Variants in NARS2 observed in about 807,000 individuals in gnomAD.
NARS2 encodes the protein asparaginyl-tRNA synthetase.
In NARS2, 60 loss-of-function variants were observed where a neutral mutation model predicts 62.9. The ratio of observed to expected loss-of-function variants is 0.95; its 90% CI spans 0.77 to 1.18. NARS2 has a LOEUF of 1.18. Ranked by LOEUF, NARS2 falls within the 50% of genes most tolerant of loss-of-function variation. NARS2 has a pLI of 0.00. For missense variants in NARS2, 619 were observed against 576.4 expected (o/e 1.07, Z -0.76); for synonymous variants, 196 against 200.0 (o/e 0.98, Z 0.17).
intron 7 of NARS2, among the ~76,000 whole-genome samples, chr11:78,482,194 C>T (rs752800788): frequency 1.3e-5 from 2 of 152,076 alleles, no homozygotes; most frequent in Non-Finnish European, 2.9e-5. Flanking sequence ...TGACTACAAC[C>T]TATCTCTCTA....
At chr11:78,474,846 G>T (rs1382734599) in intron 9 of NARS2, among the ~76,000 whole-genome samples, 1 of 151,684 alleles carries the variant, frequency 6.6e-6, no homozygotes, top group African/African-American at 2.4e-5. Flanking sequence ...ATGTGTTTTT[G>T]GTATTATACA....
chr11:78,501,454 T>C (rs1860280382), intron 6 of NARS2, among the ~76,000 whole-genome samples: 1 of 152,182 alleles, frequency 6.6e-6, no homozygotes, highest in Admixed American at 6.5e-5. Flanking sequence ...ATCCAGACCA[T>C]ATGCTGAGAA....
intron 6 of NARS2, among the ~76,000 whole-genome samples, chr11:78,502,820 C>T (rs1033026761): frequency 1.1e-4 from 17 of 151,880 alleles, no homozygotes; most frequent in Admixed American, 4.6e-4. Context: ...ATGGTGAAAC[C>T]CTGTCTCTAC....
intron 5 of NARS2, among the ~76,000 whole-genome samples, chr11:78,551,783 G>A (rs1196523570): frequency 1.3e-5 from 2 of 152,074 alleles, no homozygotes; most frequent in African/African-American, 2.4e-5. Flanking sequence ...CCTGGGAGGT[G>A]GAGGTTGCAG....
At chr11:78,563,634 C>G (rs1856625250) in intron 4 of NARS2, among the ~76,000 whole-genome samples, 1 of 149,972 alleles carries the variant, frequency 6.7e-6, no homozygotes, top group South Asian at 2.1e-4. Flanking sequence ...GGAGTTAGAC[C>G]AGCCTGGCCA....
intron 1 of NARS2, 146 bp from the exon 2 acceptor site, chr11:78,571,590 T>C (rs1856925366): frequency 1.7e-6 from 1 of 583,054 alleles, no homozygotes; most frequent in Non-Finnish European, 3.1e-6. Context: ...ATATGCATAC[T>C]TAATTTTATA....
rs71046981 is a variant in NARS2, at chr11:78,554,508, C to CGTGTGTGTGTGTGTGTGTGTGT, written c.594+5009_594+5030dup. Among the ~76,000 whole-genome samples, 1,128 of 147,002 alleles carry CGTGTGTGTGTGTGTGTGTGTGT rather than the reference C, an allele frequency of 7.7e-3. 10 individuals carry two copies. Among genetic ancestry groups the CGTGTGTGTGTGTGTGTGTGTGT allele is most frequent in the Middle Eastern group, 0.041 (12 of 290 alleles). ...TTAGCTGTATTCCTAGGCGTGTGTG[C>CGTGTGTGTGTGTGTGTGTGTGT]GTGTGTGTGTGTGTGTGTGTGTCAA... On this transcript the variant is annotated intron_variant, in intron 5 of 13. Transcript: ENST00000281038.
chr11:78,519,263 G>A (rs557931319), intron 6 of NARS2, among the ~76,000 whole-genome samples: 1 of 152,100 alleles, frequency 6.6e-6, no homozygotes, highest in African/African-American at 2.4e-5. Context: ...TAATCGAAGG[G>A]AGTCAATTTA....
intron 1 of NARS2, 118 bp from the exon 2 acceptor site, chr11:78,571,562 AC>A: frequency 1.5e-6 from 1 of 654,854 alleles, no homozygotes; most frequent in Non-Finnish European, 2.7e-6. Context: ...CAACAAATCA[AC>A]TTCTTTTAGT....
chr11:78,550,153 GA>G (rs1456891080), intron 5 of NARS2, among the ~76,000 whole-genome samples: 2 of 152,140 alleles, frequency 1.3e-5, no homozygotes, highest in African/African-American at 4.8e-5. Context: ...GGCATTCCTA[GA>G]AATCAGGAGA....
At chr11:78,504,929 C>T (rs1015568331) in intron 6 of NARS2, among the ~76,000 whole-genome samples, 3 of 152,008 alleles carry the variant, frequency 2.0e-5, no homozygotes, top group Non-Finnish European at 4.4e-5. Context: ...TGTTTAGATG[C>T]CCCAGCTCTG....
intron 6 of NARS2, among the ~76,000 whole-genome samples, chr11:78,520,867 C>A (rs1028639062): frequency 6.6e-6 from 1 of 151,876 alleles, no homozygotes; most frequent in African/African-American, 2.4e-5. Context: ...AACAGCCTGG[C>A]CAACATGATG....
intron 2 of NARS2, among the ~76,000 whole-genome samples, chr11:78,569,012 CT>C (rs1356343457): frequency 6.6e-6 from 1 of 152,024 alleles, no homozygotes; most frequent in Admixed American, 6.6e-5. Context: ...TACAATTGCC[CT>C]TATTAAAAAG....
chr11:78,546,438 G>A (rs554429333), intron 5 of NARS2: 1 of 152,340 alleles, frequency 6.6e-6, no homozygotes, highest in East Asian at 1.9e-4. Context: ...GGACTGGGAA[G>A]CATAGTGCAC....
chr11:78,561,396 T>C (rs1413327418), intron 4 of NARS2, among the ~76,000 whole-genome samples: 2 of 152,226 alleles, frequency 1.3e-5, no homozygotes, highest in Non-Finnish European at 2.9e-5. Context: ...GTGTCACTTA[T>C]TTATACTGTC....
At chr11:78,557,783 T>C (rs1389946476) in intron 5 of NARS2, among the ~76,000 whole-genome samples, 2 of 148,566 alleles carry the variant, frequency 1.3e-5, no homozygotes, top group African/African-American at 4.9e-5. Flanking sequence ...AAGATATATA[T>C]ATAAAATATG....
At position 78,468,792 on chromosome 11, in the gene NARS2, C is replaced by CTT. The variant is rs538005557; in HGVS notation, c.1026+453_1026+454dup. Among the ~76,000 whole-genome samples, 733 of 130,638 alleles carry CTT rather than the reference C, an allele frequency of 5.6e-3. 7 individuals carry two copies. Among genetic ancestry groups the CTT allele is most frequent in the African/African-American group, 0.019 (674 of 35,292 alleles). The allele number at this position is 130,638 out of a possible 152,430, so 85.7% of individuals were successfully genotyped here. On this transcript the variant is annotated intron_variant, in intron 10 of 13. Coordinates refer to ENST00000281038, the MANE Select transcript of NARS2 (RefSeq NM_024678.6). ...GTAATATTCTTTTTTTAAAAATTCA[C>CTT]TTTTTTTTTTTTTTTTTTGGGTAGA...
At chr11:78,500,583 C>A (rs1174475342) in intron 6 of NARS2, among the ~76,000 whole-genome samples, 1 of 152,120 alleles carries the variant, frequency 6.6e-6, no homozygotes, top group East Asian at 1.9e-4. Context: ...AAGCAATCCT[C>A]CTGCCCCAGC....
chr11:78,492,216 A>G (rs1393790215), intron 7 of NARS2, among the ~76,000 whole-genome samples: 1 of 151,988 alleles, frequency 6.6e-6, no homozygotes, highest in Non-Finnish European at 1.5e-5. Flanking sequence ...AATTTTGATG[A>G]AGACACTGAG....
Sources: allele counts gnomAD v4.1 joint callset (sites outside exome capture counted in the v4.1 genomes callset), GRCh38; gene constraint gnomAD v4.1.1; transcripts MANE v1.5; gene names NCBI Gene and HGNC (gene_info 2026-07-23, HGNC 2026-07-21).